Variants in IGF2R observed in about 807,000 individuals in gnomAD.
IGF2R encodes cation-independent mannose-6-phosphate receptor.
In IGF2R, 91 loss-of-function variants were observed where a neutral mutation model predicts 270.6. The observed-to-expected ratio is 0.34, with a 90% CI of 0.28 to 0.40. The LOEUF (loss-of-function observed/expected upper bound fraction) is 0.40, where lower values mean the gene tolerates loss of function less well. Among genes scored for constraint, IGF2R ranks in the 10% least tolerant of loss-of-function variants. IGF2R has a pLI of 1.00. For synonymous variants in IGF2R, 1,316 were observed against 1,258.9 expected (o/e 1.05, Z -0.96); for missense variants, 2,805 against 3,188.3 (o/e 0.88, Z 2.90).
At chr6:160,028,812 T>C (rs1777620567) in intron 6 of IGF2R, among the ~76,000 whole-genome samples, 1 of 151,252 alleles carries the variant, frequency 6.6e-6, no homozygotes, top group Non-Finnish European at 1.5e-5. Flanking sequence ...AAAATGCACC[T>C]GGCCTGCTTG....
intron 30 of IGF2R, among the ~76,000 whole-genome samples, chr6:160,069,481 G>A (rs896297892): frequency 6.6e-5 from 10 of 152,192 alleles, no homozygotes; most frequent in African/African-American, 2.4e-4. Context: ...TAGGGACTGG[G>A]AAACAGGCAG....
intron 19 of IGF2R, among the ~76,000 whole-genome samples, chr6:160,051,102 A>G (rs1394219987): frequency 6.6e-6 from 1 of 152,206 alleles, no homozygotes; most frequent in African/African-American, 2.4e-5. Flanking sequence ...TTTGACGTGC[A>G]TAGCACCGGG....
chr6:160,077,874 C>G (rs1353536469), intron 36 of IGF2R, among the ~76,000 whole-genome samples: 1 of 152,240 alleles, frequency 6.6e-6, no homozygotes, highest in East Asian at 1.9e-4. Context: ...GAGGCAGGGT[C>G]TCAGTTTCAC....
At chr6:160,073,592 C>A in intron 34 of IGF2R, 123 bp downstream of exon 34, 2 of 1,232,124 alleles carry the variant, frequency 1.6e-6, no homozygotes, top group Non-Finnish European at 2.3e-6. Flanking sequence ...CTGATCACCC[C>A]AATAATAAAG....
intron 4 of IGF2R, among the ~76,000 whole-genome samples, chr6:160,019,610 A>G (rs1777384558): frequency 6.6e-6 from 1 of 152,212 alleles, no homozygotes; most frequent in South Asian, 2.1e-4. Flanking sequence ...TCAGAAAAAT[A>G]ATACATCACG....
chr6:159,977,882 G>A (rs1271725731), intron 1 of IGF2R, among the ~76,000 whole-genome samples: 2 of 151,812 alleles, frequency 1.3e-5, no homozygotes, highest in African/African-American at 2.4e-5. Context: ...TAGGCTAGGC[G>A]TGGGATGCTA....
chr6:160,048,605 G>C, intron 18 of IGF2R, 62 bp downstream of exon 18: 1 of 1,542,640 alleles, frequency 6.5e-7, no homozygotes, highest in Non-Finnish European at 8.8e-7. Context: ...AGTGGGAGGA[G>C]GTGGTTATTC....
intron 7 of IGF2R, among the ~76,000 whole-genome samples, chr6:160,030,452 G>A (rs1777670453): frequency 6.6e-6 from 1 of 152,204 alleles, no homozygotes; most frequent in Admixed American, 6.5e-5. Flanking sequence ...TGTGGGATAT[G>A]GAGACAGTGC....
chr6:160,062,930 C>G (rs1778472784), intron 26 of IGF2R, among the ~76,000 whole-genome samples: 1 of 151,366 alleles, frequency 6.6e-6, no homozygotes, highest in Non-Finnish European at 1.5e-5. Context: ...CTAGACTTTC[C>G]TAGAAAGCTG....
chr6:160,054,639 G>A (rs1021474206), intron 19 of IGF2R, among the ~76,000 whole-genome samples: 2 of 152,196 alleles, frequency 1.3e-5, no homozygotes, highest in African/African-American at 4.8e-5. Context: ...CCCCGTCATG[G>A]ACAGGAATGC....
At chr6:160,002,294 G>A (rs1784142178) in intron 2 of IGF2R, among the ~76,000 whole-genome samples, 1 of 152,192 alleles carries the variant, frequency 6.6e-6, no homozygotes, top group African/African-American at 2.4e-5. Context: ...GGGAGGCTGA[G>A]GCAGGAGGAT....
At chr6:160,093,594 G>C (rs1779280097) in intron 44 of IGF2R, 19 of 684,816 alleles carry the variant, frequency 2.8e-5, no homozygotes, top group Non-Finnish European at 4.9e-5. Context: ...AACCCAGTGG[G>C]GGACTGGATC....
rs1244702274 is a variant in IGF2R at position 160,090,211 on chromosome 6, A to C, written c.6655+108A>C. 13 of 739,898 alleles carry C rather than the reference A, an allele frequency of 1.8e-5. No homozygotes were observed. In the East Asian group the frequency reaches 4.1e-4, roughly 24 times the overall value. 45.8% of individuals were successfully genotyped at this position (739,898 alleles called of 1,614,324 possible). On this transcript the variant is annotated intron_variant, in intron 44 of 47. Coordinates refer to ENST00000356956, the MANE Select transcript of IGF2R (RefSeq NM_000876.4). The stretch of plus-strand genomic sequence containing the variant: ...TGAAATCTCGGACCACTTTTAAAAC[A>C]AAAACCTTGGTCTAATTCTTTACTT...
At chr6:160,045,610 GT>G in intron 13 of IGF2R, 134 bp from the exon 14 acceptor site, 1 of 1,047,796 alleles carries the variant, frequency 9.5e-7, no homozygotes, top group Non-Finnish European at 1.5e-6. Flanking sequence ...TTGTAGGGCT[GT>G]TTTTTGACCC....
At chr6:160,018,680 A>G (rs911877204) in intron 4 of IGF2R, among the ~76,000 whole-genome samples, 2 of 152,196 alleles carry the variant, frequency 1.3e-5, no homozygotes, top group South Asian at 2.1e-4. Context: ...TCTCATAACT[A>G]TACAAATAAT....
intron 36 of IGF2R, among the ~76,000 whole-genome samples, chr6:160,076,841 T>G (rs1778864703): frequency 6.6e-6 from 1 of 152,262 alleles, no homozygotes; most frequent in African/African-American, 2.4e-5. Context: ...TCACAGGATC[T>G]GGGGGTGTGA....
intron 36 of IGF2R, among the ~76,000 whole-genome samples, chr6:160,077,421 C>T (rs1185566018): frequency 6.6e-6 from 1 of 152,196 alleles, no homozygotes; most frequent in African/African-American, 2.4e-5. Flanking sequence ...ATCTACACCA[C>T]CAGCTAAAGA....
At position 160,084,779 on chromosome 6, in the gene IGF2R, G is replaced by A. The variant is rs141089866; in HGVS notation, c.6069-216G>A. Among the ~76,000 whole-genome samples the A allele has an allele frequency of 4.6e-3, 699 of 152,106 alleles. 2 individuals carry two copies. The highest frequency in any genetic ancestry group is 0.015 in the African/African-American group (604 of 41,494). On this transcript the variant is annotated intron_variant, in intron 40 of 47. Coordinates refer to ENST00000356956, the MANE Select transcript of IGF2R (RefSeq NM_000876.4). The surrounding 1 kb of genome is among the most constrained non-coding windows in gnomAD (Gnocchi z 4.6). Reference sequence around the variant, plus strand: ...GCCGCAGGTGTGGACATTCCACTCCGCGTGTGTCTGGTTGGTGAGCTCCCT... The same window carrying A: ...GCCGCAGGTGTGGACATTCCACTCCACGTGTGTCTGGTTGGTGAGCTCCCT...
chr6:159,999,012 A>C (rs1005600364), intron 2 of IGF2R, among the ~76,000 whole-genome samples: 2 of 152,162 alleles, frequency 1.3e-5, no homozygotes, highest in African/African-American at 4.8e-5. Context: ...GGTCTGTGCA[A>C]ATCTGCCCCC....
Sources: gnomAD v4.1 joint callset for allele counts (sites outside exome capture counted in the v4.1 genomes callset) on GRCh38, gnomAD v4.1.1 for gene constraint, Gnocchi (gnomAD v3.1) non-coding constraint, MANE v1.5 for transcripts, NCBI Gene and HGNC (gene_info 2026-07-23, HGNC 2026-07-21) for gene names.